CDH1: variants seen among roughly 807,000 people sequenced by gnomAD.
CDH1 encodes the protein cadherin 1, also known as cadherin-1.
In CDH1, 35 loss-of-function variants were observed where a neutral mutation model predicts 84.5. The observed-to-expected ratio is 0.41, with a 90% CI of 0.32 to 0.55. The LOEUF is 0.55. Ranked by LOEUF, CDH1 falls within the 20% of genes least tolerant of loss-of-function variation. The pLI is 0.19. For missense variants in CDH1, 994 were observed against 1,126.6 expected (o/e 0.88, Z 1.68); for synonymous variants, 417 against 439.0 (o/e 0.95, Z 0.63).
intron 2 of CDH1, among the ~76,000 whole-genome samples, chr16:68,760,175 C>T (rs1199371652): frequency 1.3e-5 from 2 of 148,378 alleles, no homozygotes; most frequent in East Asian, 2.0e-4. Context: ...TCTCAGCTCA[C>T]TGCAAGCTCT....
intron 2 of CDH1, among the ~76,000 whole-genome samples, chr16:68,764,962 C>G (rs1959325053): frequency 6.6e-6 from 1 of 152,158 alleles, no homozygotes; most frequent in Non-Finnish European, 1.5e-5. Flanking sequence ...AGAGGCATCA[C>G]TTTTATGACT....
At chr16:68,831,867 C>G (rs982314942) in intron 15 of CDH1, among the ~76,000 whole-genome samples, 1 of 152,088 alleles carries the variant, frequency 6.6e-6, no homozygotes, top group African/African-American at 2.4e-5. Flanking sequence ...CATCTGGATT[C>G]AGGCCTTTCC....
chr16:68,775,125 CAAAAAAA>C (rs58497601), intron 2 of CDH1, among the ~76,000 whole-genome samples: 9 of 108,164 alleles, frequency 8.3e-5, no homozygotes, highest in South Asian at 3.2e-4. Context: ...GGCCCTGTCT[CAAAAAAA>C]AAAAAAAAAG....
rs778964360 is a variant in CDH1, at chr16:68,833,527, C to G, written c.*28C>G. 2.5e-6 allele frequency: 4 copies of G among 1,575,372 alleles called. No individual in the cohort carries two copies. In the South Asian group the frequency reaches 4.4e-5, roughly 17 times the overall value. ...GACTCGAGAGAGGCGGGCCCCAGAC[C>G]CATGTGCTGGGAAATGCAGAAATCA... On this transcript the variant is annotated 3_prime_UTR_variant, in exon 16 of 16. Transcript: ENST00000261769.
rs1555517873 is a variant in CDH1, at chr16:68,829,722, A to C, written c.2364A>C (p.Ala788=). 6.2e-7 allele frequency: 1 copy of C among 1,614,066 alleles called. No homozygotes were observed. Among genetic ancestry groups the C allele is most frequent in the Non-Finnish European group, 8.5e-7 (1 of 1,179,992 alleles). ...ARPEVTRNDV[A]PTLMSVPRYL... The stretch of plus-strand genomic sequence containing the variant: ...CTGAAGTGACTCGTAACGACGTTGC[A>C]CCAACCCTCATGAGTGTCCCCCGGT... The change falls in exon 15 of 16, where the codon GCA becomes GCC. Residue 788 remains alanine (A), a synonymous_variant. Transcript: ENST00000261769.
chr16:68,741,279 G>T (rs763713673), intron 2 of CDH1, among the ~76,000 whole-genome samples: 1 of 152,070 alleles, frequency 6.6e-6, no homozygotes, highest in Non-Finnish European at 1.5e-5. Context: ...ATGTGGAGTC[G>T]CCCCAGGATG....
At chr16:68,750,803 C>CAA (rs1473732997) in intron 2 of CDH1, among the ~76,000 whole-genome samples, 1 of 151,546 alleles carries the variant, frequency 6.6e-6, no homozygotes, top group East Asian at 1.9e-4. Context: ...CTCCCGGGCT[C>CAA]AAGCAATCCT....
intron 2 of CDH1, among the ~76,000 whole-genome samples, chr16:68,785,084 G>T (rs1960006747): frequency 6.6e-6 from 1 of 151,992 alleles, no homozygotes; most frequent in African/African-American, 2.4e-5. Context: ...GTCTCCCTTT[G>T]TTCTAATAAG....
In CDH1 at chr16:68,746,367, G is replaced by A. The variant is rs1292671265; in HGVS notation, c.163+7956G>A. Among the ~76,000 whole-genome samples the A allele has an allele frequency of 3.9e-5, 6 of 152,204 alleles. No homozygotes were observed. The East Asian group carries it at 1.2e-3, about 30-fold the overall frequency. ...TTGAACACGGGAGGTGGAGGATGCAGTGAGCCGAGATTGTGCCACTGCACC... is the reference window on the plus strand; with the variant it reads ...TTGAACACGGGAGGTGGAGGATGCAATGAGCCGAGATTGTGCCACTGCACC... On this transcript the variant is annotated intron_variant, in intron 2 of 15. Transcript: ENST00000261769.
chr16:68,751,493 C>CCTTAT (rs71382065), intron 2 of CDH1, among the ~76,000 whole-genome samples: 1 of 149,118 alleles, frequency 6.7e-6, no homozygotes. Context: ...TCTTGAACCC[C>CCTTAT]TTATTTATTT....
chr16:68,770,329 G>A lies in CDH1; in HGVS notation c.164-31341G>A, dbSNP rs142541147. On this transcript the variant is annotated intron_variant, in intron 2 of 15. Transcript: ENST00000261769. Reference sequence around the variant, plus strand: ...TTTTCCTGTGCCTGGAAGGACCTCAGAGGTAAGTATTTGGGTCTCTTGTGT... The same window carrying A: ...TTTTCCTGTGCCTGGAAGGACCTCAAAGGTAAGTATTTGGGTCTCTTGTGT... Among the ~76,000 whole-genome samples, 8 of 152,218 alleles carry A rather than the reference G, an allele frequency of 5.3e-5. No individual in the cohort carries two copies. In the East Asian group the frequency reaches 1.6e-3, roughly 30 times the overall value.
intron 3 of CDH1, among the ~76,000 whole-genome samples, chr16:68,803,055 G>A (rs1047809179): frequency 6.6e-5 from 10 of 152,122 alleles, no homozygotes; most frequent in Middle Eastern, 3.2e-3. Context: ...AAGTGCTCCC[G>A]TGGTGCTTCC....
At chr16:68,767,370 G>T (rs1311135074) in intron 2 of CDH1, among the ~76,000 whole-genome samples, 1 of 151,524 alleles carries the variant, frequency 6.6e-6, no homozygotes, top group Non-Finnish European at 1.5e-5. Flanking sequence ...AATTTTTTTT[G>T]TATTTTTAGT....
intron 2 of CDH1, among the ~76,000 whole-genome samples, chr16:68,772,940 A>G (rs575996808): frequency 1.3e-5 from 2 of 152,326 alleles, no homozygotes; most frequent in South Asian, 4.1e-4. Context: ...AAACAAAAAC[A>G]AAAACCAAAA....
intron 2 of CDH1, among the ~76,000 whole-genome samples, chr16:68,745,562 A>G (rs1288475210): frequency 5.5e-4 from 72 of 131,460 alleles, no homozygotes; most frequent in African/African-American, 2.1e-3. Context: ...ATATATATAT[A>G]TGTATATATA....
intron 15 of CDH1, among the ~76,000 whole-genome samples, chr16:68,830,507 A>G (rs1961457378): frequency 6.6e-6 from 1 of 152,144 alleles, no homozygotes; most frequent in East Asian, 1.9e-4. Flanking sequence ...TAGAATCTGT[A>G]TTGTATATGT....
chr16:68,794,725 C>T (rs374459470), intron 2 of CDH1, among the ~76,000 whole-genome samples: 2 of 144,502 alleles, frequency 1.4e-5, no homozygotes, highest in East Asian at 2.0e-4. Context: ...CTCGCTCAGT[C>T]GCCCAGGCTG....
intron 3 of CDH1, 23 bp from the exon 4 acceptor site, chr16:68,808,401 T>A (rs2152129549): frequency 6.2e-7 from 1 of 1,614,000 alleles, no homozygotes; most frequent in Non-Finnish European, 8.5e-7. Flanking sequence ...TCTTATCTTG[T>A]TCCTCATCTT....
intron 2 of CDH1, among the ~76,000 whole-genome samples, chr16:68,747,937 T>C (rs1161863022): frequency 1.3e-5 from 2 of 151,970 alleles, no homozygotes; most frequent in African/African-American, 4.8e-5. Context: ...CTAATTTTTG[T>C]ATTTTTAGTA....
Sources: allele counts gnomAD v4.1 joint callset (sites outside exome capture counted in the v4.1 genomes callset), GRCh38; gene constraint gnomAD v4.1.1; transcripts MANE v1.5; gene names NCBI Gene and HGNC (gene_info 2026-07-23, HGNC 2026-07-21).